Variants in UNC5C observed in about 807,000 individuals in gnomAD.
UNC5C encodes the protein netrin receptor UNC5C.
In UNC5C, 47 loss-of-function variants were observed where a neutral mutation model predicts 99.8. The ratio of observed to expected loss-of-function variants is 0.47; its 90% CI spans 0.37 to 0.60. The LOEUF is 0.60. UNC5C is among the 20% of genes least tolerant of loss of function. The probability of loss-of-function intolerance (pLI) is 0.00; values close to 1 mark genes in which losing one functional copy is unlikely to be tolerated. For synonymous variants in UNC5C, 487 were observed against 452.2 expected, an observed-to-expected ratio of 1.08 and a Z score of -0.98; for missense variants, 1,062 against 1,165.9, an observed-to-expected ratio of 0.91 and a Z score of 1.30.
At chr4:95,480,163 TAATA>T (rs754860557) in intron 1 of UNC5C, among the ~76,000 whole-genome samples, 2 of 151,484 alleles carry the variant, frequency 1.3e-5, no homozygotes, top group African/African-American at 2.4e-5. Context: ...CAATTCCTTA[TAATA>T]AATAAATAAA....
At chr4:95,175,045 A>C (rs1361145388) in intron 14 of UNC5C, among the ~76,000 whole-genome samples, 2 of 151,832 alleles carry the variant, frequency 1.3e-5, no homozygotes, top group Non-Finnish European at 2.9e-5. Context: ...AGTCTGTTTT[A>C]TCAGAGACTA....
chr4:95,372,735 G>A (rs143771471), intron 1 of UNC5C, among the ~76,000 whole-genome samples: 8 of 152,254 alleles, frequency 5.3e-5, no homozygotes, highest in East Asian at 1.9e-4. Flanking sequence ...CAGGCAGAAC[G>A]AATGTGTGGT....
intron 1 of UNC5C, among the ~76,000 whole-genome samples, chr4:95,415,815 T>A (rs1414637455): frequency 6.6e-6 from 1 of 152,034 alleles, no homozygotes; most frequent in Non-Finnish European, 1.5e-5. Flanking sequence ...AGTACAGGCG[T>A]TAAATGGCAA....
intron 1 of UNC5C, among the ~76,000 whole-genome samples, chr4:95,432,946 T>G (rs1289728138): frequency 6.6e-6 from 1 of 152,146 alleles, no homozygotes; most frequent in African/African-American, 2.4e-5. Flanking sequence ...CTGAATACAC[T>G]GAGACTCTTG....
At chr4:95,483,336 T>A (rs1292647955) in intron 1 of UNC5C, among the ~76,000 whole-genome samples, 2 of 151,860 alleles carry the variant, frequency 1.3e-5, no homozygotes, top group Middle Eastern at 3.2e-3. Flanking sequence ...GCACTTTTTA[T>A]GTTATCTTTA....
chr4:95,335,863 C>T (rs2149421296), intron 1 of UNC5C, among the ~76,000 whole-genome samples: 1 of 151,916 alleles, frequency 6.6e-6, no homozygotes, highest in South Asian at 2.1e-4. Flanking sequence ...GTAAGTTGCC[C>T]TGAGCACATA....
rs1335888740 is a variant in UNC5C, at chr4:95,216,141, G to T, written c.1716C>A (p.His572Gln). The T allele has an allele frequency of 1.2e-6, 2 of 1,613,482 alleles. No individual in the cohort carries two copies. The highest frequency in any genetic ancestry group is 2.2e-5 in the East Asian group (1 of 44,842). Reference sequence around the variant, plus strand: ...ATATTTACCTCATAGTTTCTTTCCTGTGTACAGTCACATACATTTCGTAGA... The same window carrying T: ...ATATTTACCTCATAGTTTCTTTCCTTTGTACAGTCACATACATTTCGTAGA... ...GRVYEMYVTVHRKETMRPPMD... is the reference protein window; with the variant it reads ...GRVYEMYVTVQRKETMRPPMD... Residue 572 changes from histidine (H) to glutamine (Q), a missense_variant, in exon 10 of 16, where the codon CAC (histidine) becomes CAA (glutamine). Transcript: ENST00000453304.
chr4:95,354,213 G>A (rs185554845), intron 1 of UNC5C, among the ~76,000 whole-genome samples: 1 of 151,864 alleles, frequency 6.6e-6, no homozygotes. Context: ...CTGTCTAAAG[G>A]TAAGATCTGA....
chr4:95,394,041 T>A (rs987853058), intron 1 of UNC5C, among the ~76,000 whole-genome samples: 1 of 152,124 alleles, frequency 6.6e-6, no homozygotes, highest in Admixed American at 6.5e-5. Flanking sequence ...GCTAAGGACA[T>A]CTTATCTGCA....
At chr4:95,392,610 CTT>C (rs138389401) in intron 1 of UNC5C, among the ~76,000 whole-genome samples, 1 of 147,462 alleles carries the variant, frequency 6.8e-6, no homozygotes, top group Non-Finnish European at 1.5e-5. Flanking sequence ...GTTTTTAAAA[CTT>C]TTTTTTTTAG....
At chr4:95,537,810 G>A (rs780163370) in intron 1 of UNC5C, among the ~76,000 whole-genome samples, 29 of 151,988 alleles carry the variant, frequency 1.9e-4, no homozygotes, top group East Asian at 3.9e-4. Flanking sequence ...TTCTAATTTC[G>A]TTACTCTCTC....
chr4:95,387,153 T>C (rs895987124), intron 1 of UNC5C, among the ~76,000 whole-genome samples: 8 of 152,194 alleles, frequency 5.3e-5, no homozygotes, highest in Non-Finnish European at 1.2e-4. Flanking sequence ...TTTTATTTTT[T>C]TTTGAGACAA....
chr4:95,461,637 A>C (rs983121012), intron 1 of UNC5C, among the ~76,000 whole-genome samples: 1 of 152,166 alleles, frequency 6.6e-6, no homozygotes, highest in Non-Finnish European at 1.5e-5. Context: ...CATTATCCTT[A>C]GTCTTTTTCT....
At chr4:95,237,268 G>A (rs886922913) in intron 7 of UNC5C, among the ~76,000 whole-genome samples, 6 of 152,094 alleles carry the variant, frequency 3.9e-5, no homozygotes, top group African/African-American at 1.4e-4. Flanking sequence ...TAAAACTTAT[G>A]CATTCAAGTA....
In UNC5C at chr4:95,167,736, C is replaced by T. The variant is rs991350017; in HGVS notation, c.*1498G>A. On this transcript the variant is annotated 3_prime_UTR_variant, in exon 16 of 16. Transcript: ENST00000453304. ...AGGCCAAACAAACAACATCATAATG[C>T]TGGTTAGAATAATCATCTTCCTTGT... 1 of 152,200 alleles carries T rather than the reference C, an allele frequency of 6.6e-6. No individual in the cohort carries two copies. Among genetic ancestry groups the T allele is most frequent in the African/African-American group, 2.4e-5 (1 of 41,464 alleles). 9.4% of individuals were successfully genotyped at this position (152,200 alleles called of 1,614,324 possible). A position where few individuals can be genotyped will look rare whatever the true frequency, so the allele number is the denominator to read the frequency against.
chr4:95,479,305 T>G (rs2149477117), intron 1 of UNC5C, among the ~76,000 whole-genome samples: 1 of 152,104 alleles, frequency 6.6e-6, no homozygotes, highest in East Asian at 1.9e-4. Context: ...TATTTTTGAT[T>G]AAAAACTGTG....
At chr4:95,503,288 T>C (rs1721824153) in intron 1 of UNC5C, among the ~76,000 whole-genome samples, 1 of 152,078 alleles carries the variant, frequency 6.6e-6, no homozygotes, top group Admixed American at 6.6e-5. Context: ...AAGAAGGCCC[T>C]AGAAAGTTGC....
intron 1 of UNC5C, among the ~76,000 whole-genome samples, chr4:95,502,671 T>G (rs1308116331): frequency 6.6e-6 from 1 of 152,132 alleles, no homozygotes; most frequent in African/African-American, 2.4e-5. Context: ...GACACACACG[T>G]GGAAAGCACT....
At chr4:95,202,700 G>T in intron 12 of UNC5C, 31 bp downstream of exon 12, 1 of 1,602,686 alleles carries the variant, frequency 6.2e-7, no homozygotes, top group South Asian at 1.1e-5. Flanking sequence ...AGGTGGAGGT[G>T]AAGAGGGCAG....
Sources: allele counts gnomAD v4.1 joint callset (sites outside exome capture counted in the v4.1 genomes callset), GRCh38; gene constraint gnomAD v4.1.1; transcripts MANE v1.5; gene names NCBI Gene and HGNC (gene_info 2026-07-23, HGNC 2026-07-21).